The following TLK2 variants were observed in gnomAD, a reference collection of about 807,000 sequenced individuals.
The protein encoded by TLK2 is serine/threonine-protein kinase tousled-like 2.
Under a neutral mutation model 117.3 loss-of-function variants are expected in TLK2, and 6 were observed. That is an observed-to-expected ratio of 0.05 (90% CI 0.03 to 0.10). The LOEUF is 0.10. Ranked by LOEUF, TLK2 falls within the 10% of genes least tolerant of loss-of-function variation. The pLI is 1.00. For synonymous variants in TLK2, 257 were observed against 316.7 expected (o/e 0.81, Z 2.00); for missense variants, 299 against 901.2 (o/e 0.33, Z 8.56).
intron 2 of TLK2, among the ~76,000 whole-genome samples, chr17:62,510,672 A>G (rs2075074190): frequency 6.6e-6 from 1 of 152,186 alleles, no homozygotes; most frequent in Admixed American, 6.5e-5. Flanking sequence ...CTCTGTGTGC[A>G]TACATGTCTG....
intron 3 of TLK2, among the ~76,000 whole-genome samples, chr17:62,521,288 T>C (rs1032789218): frequency 1.3e-5 from 2 of 152,260 alleles, no homozygotes; most frequent in African/African-American, 4.8e-5. Flanking sequence ...GTTTTTATTA[T>C]AATCATGTGT....
At chr17:62,543,094 T>A (rs2077655001) in intron 7 of TLK2, among the ~76,000 whole-genome samples, 1 of 152,222 alleles carries the variant, frequency 6.6e-6, no homozygotes, top group Admixed American at 6.5e-5. Flanking sequence ...ATGAGGCTTT[T>A]AAATTTTTTT....
intron 10 of TLK2, among the ~76,000 whole-genome samples, chr17:62,562,794 G>T (rs2079401512): frequency 6.6e-6 from 1 of 152,166 alleles, no homozygotes; most frequent in South Asian, 2.1e-4. Flanking sequence ...TGATCCAGCA[G>T]TTCCTCTCCT....
At chr17:62,573,131 C>T in intron 11 of TLK2, 84 bp from the exon 12 acceptor site, 1 of 1,440,738 alleles carries the variant, frequency 6.9e-7, no homozygotes, top group Non-Finnish European at 9.3e-7. Context: ...AAATTGGATA[C>T]ACAAGTGACA....
chr17:62,606,898 G>C (rs568380538), intron 20 of TLK2, among the ~76,000 whole-genome samples: 27 of 152,002 alleles, frequency 1.8e-4, no homozygotes, highest in Non-Finnish European at 2.6e-4. Context: ...GTAGGCTGTG[G>C]GTATAAGCCA....
At chr17:62,540,584 A>C (rs575900468) in intron 7 of TLK2, among the ~76,000 whole-genome samples, 71 of 150,022 alleles carry the variant, frequency 4.7e-4, no homozygotes, top group African/African-American at 1.7e-3. Flanking sequence ...TTTTTAGTAG[A>C]GATAGGGTTT....
intron 2 of TLK2, among the ~76,000 whole-genome samples, chr17:62,494,829 A>G (rs1346395410): frequency 6.6e-6 from 1 of 152,198 alleles, no homozygotes; most frequent in Non-Finnish European, 1.5e-5. Flanking sequence ...AGGGAGTATA[A>G]TTAACTTGTT....
intron 2 of TLK2, among the ~76,000 whole-genome samples, chr17:62,488,331 C>T (rs1200176077): frequency 6.6e-6 from 1 of 152,154 alleles, no homozygotes; most frequent in Non-Finnish European, 1.5e-5. Context: ...CCAACTGATA[C>T]CTTTCTTTTC....
intron 11 of TLK2, among the ~76,000 whole-genome samples, chr17:62,568,936 C>T (rs2080033924): frequency 6.6e-6 from 1 of 152,104 alleles, no homozygotes; most frequent in South Asian, 2.1e-4. Context: ...AACATTAGAT[C>T]TTCTTTAGGT....
At chr17:62,543,594 T>C (rs2077697983) in intron 7 of TLK2, among the ~76,000 whole-genome samples, 2 of 152,242 alleles carry the variant, frequency 1.3e-5, no homozygotes, top group African/African-American at 4.8e-5. Context: ...ACTGGTGATG[T>C]TGAGCATTTT....
In TLK2 at chr17:62,600,850, G is replaced by T; in HGVS notation, c.1720+30G>T. 3 of 1,558,446 alleles carry T rather than the reference G, an allele frequency of 1.9e-6. 1 individual carries two copies. The highest frequency in any genetic ancestry group is 8.6e-7 in the Non-Finnish European group (1 of 1,156,236). On this transcript the variant is annotated intron_variant, in intron 18 of 21. Coordinates refer to ENST00000346027, the MANE Select transcript of TLK2 (RefSeq NM_006852.6). ...GTCTAACTTTTAGGAGACAGTATTA[G>T]TGGGTTTTCTTTGGTCTTATAAGTG... is the stretch of plus-strand genomic sequence containing the variant.
At chr17:62,480,732 A>G (rs145126552) in intron 1 of TLK2, among the ~76,000 whole-genome samples, 2,582 of 152,338 alleles carry the variant, frequency 0.017, 39 homozygotes, top group Non-Finnish European at 0.028. Context: ...TGGGAAATAA[A>G]TATCTGAAGA....
intron 12 of TLK2, among the ~76,000 whole-genome samples, chr17:62,575,448 A>T (rs1451099037): frequency 6.6e-6 from 1 of 152,158 alleles, no homozygotes; most frequent in Non-Finnish European, 1.5e-5. Context: ...CTAGTGGGTG[A>T]GTTTCTTCTT....
At chr17:62,590,159 C>T (rs1230708802) in intron 16 of TLK2, among the ~76,000 whole-genome samples, 13 of 145,120 alleles carry the variant, frequency 9.0e-5, no homozygotes, top group African/African-American at 5.0e-5. Context: ...CGGCTGGGCA[C>T]GGTGGCTCAC....
At chr17:62,606,646 T>A (rs2083322285) in intron 20 of TLK2, among the ~76,000 whole-genome samples, 1 of 152,198 alleles carries the variant, frequency 6.6e-6, no homozygotes, top group Non-Finnish European at 1.5e-5. Context: ...ATCCCATTAG[T>A]TGAACCTATT....
intron 9 of TLK2, among the ~76,000 whole-genome samples, chr17:62,557,531 A>C (rs1184119973): frequency 6.6e-6 from 1 of 152,042 alleles, no homozygotes; most frequent in Admixed American, 6.6e-5. Flanking sequence ...TAGTCTCAGC[A>C]CTGTGTTGTA....
intron 2 of TLK2, among the ~76,000 whole-genome samples, chr17:62,489,575 C>G (rs1320008854): frequency 2.6e-5 from 4 of 152,030 alleles, no homozygotes; most frequent in Admixed American, 1.3e-4. Flanking sequence ...TTCCTATATA[C>G]TTCCTCACCC....
intron 6 of TLK2, among the ~76,000 whole-genome samples, chr17:62,528,952 A>G (rs2076560564): frequency 6.6e-6 from 1 of 152,232 alleles, no homozygotes. Flanking sequence ...AGAAGTGATC[A>G]CTTGGCTGGT....
At chr17:62,474,701 G>A (rs1304578098), upstream of TLK2, among the ~76,000 whole-genome samples, 5 of 151,846 alleles carry the variant, frequency 3.3e-5, no homozygotes, top group African/African-American at 9.7e-5. Context: ...GAGCCACCGC[G>A]CCCGGCCTAG....
Sources: gnomAD v4.1 joint callset for allele counts (sites outside exome capture counted in the v4.1 genomes callset) on GRCh38, gnomAD v4.1.1 for gene constraint, MANE v1.5 for transcripts, NCBI Gene and HGNC (gene_info 2026-07-23, HGNC 2026-07-21) for gene names.